Variants in OSBPL9 observed in about 807,000 individuals in gnomAD.
The protein encoded by OSBPL9 is oxysterol-binding protein-related protein 9.
In OSBPL9, 40 loss-of-function variants were observed where a neutral mutation model predicts 106.6. The observed-to-expected ratio is 0.38, with a 90% CI of 0.29 to 0.49. OSBPL9 has a LOEUF of 0.49. OSBPL9 is among the 20% of genes least tolerant of loss of function. The pLI is 0.97. For missense variants in OSBPL9, 609 were observed against 887.2 expected (o/e 0.69, Z 3.98); for synonymous variants, 269 against 295.4 (o/e 0.91, Z 0.92).
chr1:51,590,542 C>T (rs1274560783), intron 1 of OSBPL9, among the ~76,000 whole-genome samples: 1 of 150,042 alleles, frequency 6.7e-6, no homozygotes, highest in Admixed American at 6.6e-5. Flanking sequence ...ATGGCGTGAA[C>T]CCAGGGGGCG....
intron 1 of OSBPL9, among the ~76,000 whole-genome samples, chr1:51,619,787 C>A (rs1000366877): frequency 6.6e-6 from 1 of 152,264 alleles, no homozygotes; most frequent in African/African-American, 2.4e-5. Flanking sequence ...TCAGTCCATT[C>A]GGATTCTGAA....
chr1:51,657,360 G>T (rs972442990), intron 2 of OSBPL9, among the ~76,000 whole-genome samples: 1 of 152,170 alleles, frequency 6.6e-6, no homozygotes, highest in African/African-American at 2.4e-5. Flanking sequence ...TGTGCTGGAT[G>T]ATTTTCATAC....
At chr1:51,530,146 G>A in the OSBPL9 span, among the ~76,000 whole-genome samples, 1 of 108,230 alleles carries the variant, frequency 9.2e-6, no homozygotes, top group African/African-American at 3.5e-5. Context: ...ATTCCAGCCT[G>A]GGTGACAGAG....
At chr1:51,595,165 G>C (rs538219905) in intron 1 of OSBPL9, among the ~76,000 whole-genome samples, 1 of 152,156 alleles carries the variant, frequency 6.6e-6, no homozygotes, top group Non-Finnish European at 1.5e-5. Flanking sequence ...TGAGAGCGCC[G>C]GAGGACTGAG....
chr1:51,620,257 G>A (rs903395866), intron 1 of OSBPL9, among the ~76,000 whole-genome samples: 1 of 152,154 alleles, frequency 6.6e-6, no homozygotes, highest in African/African-American at 2.4e-5. Context: ...AATTGGGGGA[G>A]TTATAGATCT....
chr1:51,615,050 A>T (rs1248579257), upstream of OSBPL9, among the ~76,000 whole-genome samples: 1 of 152,210 alleles, frequency 6.6e-6, no homozygotes, highest in African/African-American at 2.4e-5. Context: ...ACCTGAGGTC[A>T]GGAGTTTGAG....
chr1:51,664,464 G>C (rs1647937698), intron 2 of OSBPL9, among the ~76,000 whole-genome samples: 1 of 152,130 alleles, frequency 6.6e-6, no homozygotes, highest in African/African-American at 2.4e-5. Flanking sequence ...GCTGGGATGG[G>C]TGGATCACTT....
chr1:51,735,218 CT>C (rs1322676286), intron 4 of OSBPL9, among the ~76,000 whole-genome samples: 1 of 152,206 alleles, frequency 6.6e-6, no homozygotes, highest in Non-Finnish European at 1.5e-5. Flanking sequence ...CTGGCAGTGA[CT>C]GTTTTACAGC....
At chr1:51,525,498 A>G in the OSBPL9 span, among the ~76,000 whole-genome samples, 1 of 152,146 alleles carries the variant, frequency 6.6e-6, no homozygotes, top group African/African-American at 2.4e-5. Flanking sequence ...ATCTCACATT[A>G]TAGCACAAAT....
Position 51,786,659 on chromosome 1 carries a change from A to G in OSBPL9, c.2000+42A>G, listed in dbSNP as rs970312840. The G allele has an allele frequency of 1.9e-6, 3 of 1,539,780 alleles. No homozygotes were observed. The South Asian group carries it at 3.4e-5, about 17-fold the overall frequency. ...AAGTGGAACTATTGCTGCAGTGCTTAAACTTTGCCTAGGCGTAGGCACAGG... is the reference window on the plus strand; with the variant it reads ...AAGTGGAACTATTGCTGCAGTGCTTGAACTTTGCCTAGGCGTAGGCACAGG... On this transcript the variant is annotated intron_variant, in intron 22 of 23. Coordinates refer to ENST00000428468, the MANE Select transcript of OSBPL9 (RefSeq NM_024586.6).
At chr1:51,760,305 T>G in intron 9 of OSBPL9, 1 of 212,742 alleles carries the variant, frequency 4.7e-6, no homozygotes, top group Non-Finnish European at 9.4e-6. Context: ...GTACATCAGT[T>G]GGACATTTGG....
chr1:51,601,916 CTT>C (rs1424622869), intron 2 of OSBPL9, among the ~76,000 whole-genome samples: 2 of 151,116 alleles, frequency 1.3e-5, no homozygotes, highest in Admixed American at 6.6e-5. Flanking sequence ...GGTTAAGTAA[CTT>C]TGCCAAAATC....
chr1:51,782,482 GAC>G, intron 16 of OSBPL9, 75 bp from the exon 17 acceptor site: 1 of 1,158,638 alleles, frequency 8.6e-7, no homozygotes, highest in Non-Finnish European at 1.2e-6. Flanking sequence ...AGCGAGCAGA[GAC>G]CCCAATTACC....
At chr1:51,571,502 CA>C in the OSBPL9 span, among the ~76,000 whole-genome samples, 2 of 151,404 alleles carry the variant, frequency 1.3e-5, no homozygotes, top group African/African-American at 4.9e-5. Context: ...CTTGTCTTTG[CA>C]AAAAAAATTA....
intron 2 of OSBPL9, among the ~76,000 whole-genome samples, chr1:51,653,138 A>G (rs749683913): frequency 3.3e-5 from 5 of 152,170 alleles, no homozygotes; most frequent in Non-Finnish European, 5.9e-5. Flanking sequence ...GCTTGTTTCA[A>G]TCAGATGGTA....
chr1:51,770,335 G>A (rs1480256526), intron 12 of OSBPL9, among the ~76,000 whole-genome samples: 1 of 152,052 alleles, frequency 6.6e-6, no homozygotes, highest in East Asian at 1.9e-4. Context: ...TAGAGATGGG[G>A]CTTCACCATG....
intron 23 of OSBPL9, 23 bp from the exon 24 acceptor site, chr1:51,787,692 A>G (rs913497679): frequency 8.1e-6 from 13 of 1,607,980 alleles, no homozygotes; most frequent in East Asian, 2.2e-5. Flanking sequence ...TATGTAACTA[A>G]ATTCTTCCTC....
chr1:51,774,342 AT>A (rs1444401246), intron 14 of OSBPL9, among the ~76,000 whole-genome samples: 2 of 152,158 alleles, frequency 1.3e-5, no homozygotes, highest in Non-Finnish European at 2.9e-5. Flanking sequence ...TATCATAATT[AT>A]TTTTTACTGA....
chr1:51,716,236 A>T (rs971025331), intron 4 of OSBPL9, among the ~76,000 whole-genome samples: 1 of 152,222 alleles, frequency 6.6e-6, no homozygotes, highest in Non-Finnish European at 1.5e-5. Flanking sequence ...TATGGAATTA[A>T]TGTTCATTTG....
Sources: gnomAD v4.1 joint callset for allele counts (sites outside exome capture counted in the v4.1 genomes callset) on GRCh38, gnomAD v4.1.1 for gene constraint, MANE v1.5 for transcripts, NCBI Gene and HGNC (gene_info 2026-07-23, HGNC 2026-07-21) for gene names.